The following CLVS1 variants were observed in gnomAD, a reference collection of about 807,000 sequenced individuals.
CLVS1 encodes clavesin 1.
CLVS1 carries 10 observed loss-of-function variants against 33.1 expected under a neutral mutation model. The observed-to-expected ratio is 0.30, with a 90% CI of 0.19 to 0.51. CLVS1 has a LOEUF of 0.51. Ranked by LOEUF, CLVS1 falls within the 20% of genes least tolerant of loss-of-function variation. The pLI is 0.97. For synonymous variants in CLVS1, 163 were observed against 166.1 expected (o/e 0.98, Z 0.14); for missense variants, 343 against 433.4 (o/e 0.79, Z 1.85).
At chr8:61,305,363 A>T (rs1022195499) in intron 2 of CLVS1, among the ~76,000 whole-genome samples, 1 of 151,710 alleles carries the variant, frequency 6.6e-6, no homozygotes, top group Non-Finnish European at 1.5e-5. Context: ...TTAACCACCA[A>T]TCTACTCTCT....
chr8:61,405,021 A>G (rs1251688762), intron 3 of CLVS1, among the ~76,000 whole-genome samples: 2 of 152,198 alleles, frequency 1.3e-5, no homozygotes, highest in Non-Finnish European at 2.9e-5. Context: ...ATGTGGGCTC[A>G]GGGGAAACAG....
chr8:61,340,187 A>G (rs995312171), intron 2 of CLVS1, among the ~76,000 whole-genome samples: 6 of 152,250 alleles, frequency 3.9e-5, no homozygotes, highest in Non-Finnish European at 5.9e-5. Context: ...TACCTCGCAC[A>G]TGTAGTTTTT....
chr8:60,994,274 G>A, the CLVS1 span, among the ~76,000 whole-genome samples: 1 of 152,078 alleles, frequency 6.6e-6, no homozygotes, highest in South Asian at 2.1e-4. Context: ...CCACCCTAAT[G>A]ACCTTGTTTT....
intron 5 of CLVS1, among the ~76,000 whole-genome samples, chr8:61,493,682 A>G (rs986180985): frequency 1.3e-5 from 2 of 152,224 alleles, no homozygotes; most frequent in African/African-American, 4.8e-5. Flanking sequence ...CACCTTTATA[A>G]AAACTTATTT....
At chr8:60,987,939 A>C in the CLVS1 span, among the ~76,000 whole-genome samples, 1 of 152,108 alleles carries the variant, frequency 6.6e-6, no homozygotes, top group Non-Finnish European at 1.5e-5. Context: ...AAACTTAACA[A>C]ATAATAAAAG....
At chr8:61,227,931 G>A (rs368769100) in intron 2 of CLVS1, among the ~76,000 whole-genome samples, 3 of 152,152 alleles carry the variant, frequency 2.0e-5, no homozygotes, top group East Asian at 3.9e-4. Flanking sequence ...AGAGAGTGAA[G>A]CCTGGTGTGA....
intron 5 of CLVS1, chr8:61,465,240 C>A (rs950712914): frequency 6.6e-5 from 10 of 152,226 alleles, no homozygotes; most frequent in African/African-American, 2.4e-4. Context: ...CCCCATAGTT[C>A]CCTACATGCT....
chr8:61,365,718 C>A (rs1284912969), intron 2 of CLVS1, among the ~76,000 whole-genome samples: 1 of 151,424 alleles, frequency 6.6e-6, no homozygotes, highest in Non-Finnish European at 1.5e-5. Context: ...TCTCCGAAGT[C>A]ATATGTTTGT....
At chr8:61,292,688 T>C (rs1264719709) in intron 1 of CLVS1, among the ~76,000 whole-genome samples, 3 of 152,158 alleles carry the variant, frequency 2.0e-5, no homozygotes, top group Admixed American at 6.5e-5. Flanking sequence ...CTACGAAACA[T>C]TCCAGTCTAA....
intron 2 of CLVS1, among the ~76,000 whole-genome samples, chr8:61,184,154 T>C (rs974545052): frequency 2.0e-5 from 3 of 152,024 alleles, no homozygotes; most frequent in Non-Finnish European, 4.4e-5. Context: ...CAGCCCAAAC[T>C]TGAGAAACTT....
intron 1 of CLVS1, among the ~76,000 whole-genome samples, chr8:61,294,887 T>G (rs987127932): frequency 1.3e-5 from 2 of 152,220 alleles, no homozygotes; most frequent in Non-Finnish European, 2.9e-5. Context: ...ACAGTGTATG[T>G]TTGTAGATGT....
intron 2 of CLVS1, among the ~76,000 whole-genome samples, chr8:61,330,006 C>G (rs1811534077): frequency 6.6e-6 from 1 of 152,116 alleles, no homozygotes; most frequent in Admixed American, 6.6e-5. Flanking sequence ...CAGCAAGATA[C>G]CCATGGTGGG....
At chr8:61,332,365 G>C (rs1257203953) in intron 2 of CLVS1, among the ~76,000 whole-genome samples, 1 of 152,112 alleles carries the variant, frequency 6.6e-6, no homozygotes, top group Non-Finnish European at 1.5e-5. Context: ...GACTCCCCTT[G>C]TGTTAGTTGC....
At chr8:61,300,392 C>A in intron 2 of CLVS1, 110 bp downstream of exon 2, 2 of 994,104 alleles carry the variant, frequency 2.0e-6, no homozygotes, top group South Asian at 1.8e-5. Flanking sequence ...AAAAATATTT[C>A]ACATGTTCAC....
chr8:61,118,814 G>A (rs1438341286), intron 1 of CLVS1, among the ~76,000 whole-genome samples: 4 of 152,198 alleles, frequency 2.6e-5, no homozygotes, highest in African/African-American at 9.7e-5. Context: ...TTTTGGAAGA[G>A]GTGTGGTGTG....
chr8:61,339,776 AAAGAAAAC>A (rs1368182343), intron 2 of CLVS1, among the ~76,000 whole-genome samples: 4 of 129,044 alleles, frequency 3.1e-5, no homozygotes, highest in Non-Finnish European at 6.8e-5. Context: ...AGAGGGAAGG[AAAGAAAAC>A]AAGAAAGAGA....
At chr8:61,453,542 C>T (rs1817037985) in intron 3 of CLVS1, among the ~76,000 whole-genome samples, 1 of 152,172 alleles carries the variant, frequency 6.6e-6, no homozygotes, top group South Asian at 2.1e-4. Flanking sequence ...CTACTATGTG[C>T]CCCAGGGTGC....
At chr8:61,499,329 C>T in intron 5 of CLVS1, 126 bp from the exon 6 acceptor site, 1 of 633,716 alleles carries the variant, frequency 1.6e-6, no homozygotes. Flanking sequence ...GCATGTGCCA[C>T]TGCACCCAGT....
intron 2 of CLVS1, among the ~76,000 whole-genome samples, chr8:61,176,274 A>G (rs1417579035): frequency 6.6e-6 from 1 of 152,020 alleles, no homozygotes; most frequent in East Asian, 1.9e-4. Flanking sequence ...CACCTGGGAG[A>G]GGCTGCTGGA....
Sources: gnomAD v4.1 joint callset for allele counts (sites outside exome capture counted in the v4.1 genomes callset) on GRCh38, gnomAD v4.1.1 for gene constraint, MANE v1.5 for transcripts, NCBI Gene and HGNC (gene_info 2026-07-23, HGNC 2026-07-21) for gene names.